Variants in SV2C observed in about 807,000 individuals in gnomAD.
SV2C encodes solute carrier family 22 member B3.
SV2C carries 49 observed loss-of-function variants against 79.7 expected under a neutral mutation model. That is an observed-to-expected ratio of 0.61 (90% CI 0.49 to 0.78). The LOEUF (loss-of-function observed/expected upper bound fraction) is 0.78, where lower values mean the gene tolerates loss of function less well. Among genes scored for constraint, SV2C ranks in the 30% least tolerant of loss-of-function variants. The probability of loss-of-function intolerance (pLI) is 0.00; values close to 1 mark genes in which losing one functional copy is unlikely to be tolerated. For missense variants in SV2C, 833 were observed against 912.9 expected (o/e 0.91, Z 1.13); for synonymous variants, 334 against 333.2 (o/e 1.00, Z -0.03).
At chr5:76,131,513 T>TAAAAAAAA (rs1748887698) in intron 1 of SV2C, 137 bp from the exon 2 acceptor site, 1 of 247,926 alleles carries the variant, frequency 4.0e-6, no homozygotes, top group Non-Finnish European at 7.0e-6. Context: ...TACAGTGAGA[T>TAAAAAAAA]CAAAAAAAAA....
the SV2C span, among the ~76,000 whole-genome samples, chr5:76,012,387 G>T: frequency 6.6e-6 from 1 of 152,114 alleles, no homozygotes; most frequent in African/African-American, 2.4e-5. Flanking sequence ...TCATATGTTT[G>T]TTGGCCACAC....
At chr5:76,011,942 A>AT in the SV2C span, among the ~76,000 whole-genome samples, 1 of 151,870 alleles carries the variant, frequency 6.6e-6, no homozygotes, top group African/African-American at 2.4e-5. Context: ...ACGTGAACTC[A>AT]TTTTTTTTAT....
the SV2C span, among the ~76,000 whole-genome samples, chr5:75,874,756 A>G: frequency 6.6e-6 from 1 of 152,154 alleles, no homozygotes; most frequent in East Asian, 1.9e-4. Flanking sequence ...GTTCCCATAC[A>G]CCAAAAACAG....
At chr5:76,062,348 C>G in the SV2C span, among the ~76,000 whole-genome samples, 1 of 152,026 alleles carries the variant, frequency 6.6e-6, no homozygotes, top group Non-Finnish European at 1.5e-5. Context: ...AGTAGCTTTT[C>G]TTTTGCCCTT....
the SV2C span, among the ~76,000 whole-genome samples, chr5:75,962,236 T>C: frequency 4.7e-4 from 71 of 152,104 alleles, 1 homozygote; most frequent in Non-Finnish European, 1.2e-4. Flanking sequence ...TTCAGTAAAC[T>C]TGAATTTCCT....
intron 1 of SV2C, among the ~76,000 whole-genome samples, chr5:76,130,747 G>T (rs988372740): frequency 6.6e-6 from 1 of 152,122 alleles, no homozygotes; most frequent in Non-Finnish European, 1.5e-5. Flanking sequence ...GGTCCTGGAA[G>T]GTCCAGACTT....
intron 1 of SV2C, among the ~76,000 whole-genome samples, chr5:76,121,370 T>A (rs62363469): frequency 3.3e-5 from 5 of 151,398 alleles, no homozygotes; most frequent in Non-Finnish European, 7.4e-5. Context: ...CTCTTTAGTT[T>A]AATTAGATCC....
At chr5:76,190,329 A>G (rs1205316324) in intron 2 of SV2C, among the ~76,000 whole-genome samples, 1 of 152,190 alleles carries the variant, frequency 6.6e-6, no homozygotes, top group African/African-American at 2.4e-5. Context: ...CCAGGGTGGG[A>G]GAGTTAGTGG....
At chr5:76,171,491 A>C (rs1580325474) in intron 2 of SV2C, among the ~76,000 whole-genome samples, 2 of 105,670 alleles carry the variant, frequency 1.9e-5, no homozygotes, top group Non-Finnish European at 2.0e-5. Flanking sequence ...AAGTGAGGAG[A>C]CCCTCTGCCT....
chr5:75,987,454 C>T, the SV2C span, among the ~76,000 whole-genome samples: 2 of 151,908 alleles, frequency 1.3e-5, no homozygotes, highest in Admixed American at 6.6e-5. Flanking sequence ...AATACCAAAA[C>T]GCTAAAGATG....
intron 1 of SV2C, among the ~76,000 whole-genome samples, chr5:76,121,171 G>A (rs1382844532): frequency 2.0e-5 from 3 of 151,984 alleles, no homozygotes; most frequent in Non-Finnish European, 4.4e-5. Context: ...GTCTTCTTTT[G>A]AGAAGTGTCT....
At chr5:76,270,696 C>A (rs527533928) in intron 4 of SV2C, among the ~76,000 whole-genome samples, 2 of 151,992 alleles carry the variant, frequency 1.3e-5, no homozygotes, top group East Asian at 1.9e-4. Flanking sequence ...AGATGCGAAG[C>A]CTTTTATGGC....
intron 1 of SV2C, among the ~76,000 whole-genome samples, chr5:76,120,280 A>G (rs1339672287): frequency 1.1e-5 from 1 of 90,964 alleles, no homozygotes; most frequent in Non-Finnish European, 2.0e-5. Context: ...GTCAAATAAC[A>G]TTTCTTTTTT....
At chr5:75,955,327 A>G in the SV2C span, among the ~76,000 whole-genome samples, 2 of 149,554 alleles carry the variant, frequency 1.3e-5, no homozygotes, top group African/African-American at 4.9e-5. Context: ...GGTGCTGGGA[A>G]AACTGGCTAG....
intron 10 of SV2C, among the ~76,000 whole-genome samples, chr5:76,300,173 T>TTATTATTA (rs1322841143): frequency 6.8e-6 from 1 of 147,826 alleles, no homozygotes; most frequent in Non-Finnish European, 1.5e-5. Flanking sequence ...ATTATTATTA[T>TTATTATTA]TATTATTATT....
the SV2C span, among the ~76,000 whole-genome samples, chr5:76,019,703 A>G: frequency 6.6e-6 from 1 of 152,188 alleles, no homozygotes; most frequent in Non-Finnish European, 1.5e-5. Context: ...CGCATGAATG[A>G]GAGAAAAAAC....
intron 4 of SV2C, among the ~76,000 whole-genome samples, chr5:76,247,250 G>A (rs1745973249): frequency 6.6e-6 from 1 of 152,230 alleles, no homozygotes; most frequent in Non-Finnish European, 1.5e-5. Context: ...AACTGAGCCA[G>A]AACAATGATT....
chr5:76,206,355 T>A (rs549310510), intron 3 of SV2C, among the ~76,000 whole-genome samples: 5 of 152,332 alleles, frequency 3.3e-5, no homozygotes, highest in Non-Finnish European at 7.3e-5. Context: ...CCCAGTGGGA[T>A]TGCCCAGTGT....
At chr5:76,030,266 G>GTTTTTTTTTTTTTTTTTTT in the SV2C span, among the ~76,000 whole-genome samples, 1 of 31,954 alleles carries the variant, frequency 3.1e-5, no homozygotes, top group Non-Finnish European at 5.7e-5. Context: ...TCAGAGGCTT[G>GTTTTTTTTTTTTTTTTTTT]TTTTTTTTTT....
Sources: allele counts gnomAD v4.1 joint callset (sites outside exome capture counted in the v4.1 genomes callset), GRCh38; gene constraint gnomAD v4.1.1; transcripts MANE v1.5; gene names NCBI Gene and HGNC (gene_info 2026-07-23, HGNC 2026-07-21).